ZNF148: variants seen among roughly 807,000 people sequenced by gnomAD.
ZNF148 encodes the protein zinc finger protein 148, also known as Beta-Enolase Repressor Factor-1.
In ZNF148, 7 loss-of-function variants were observed where a neutral mutation model predicts 67.7. The ratio of observed to expected loss-of-function variants is 0.10; its 90% CI spans 0.06 to 0.19. ZNF148 has a LOEUF of 0.19. Among genes scored for constraint, ZNF148 ranks in the 10% least tolerant of loss-of-function variants. The pLI is 1.00. For missense variants in ZNF148, 583 were observed against 947.1 expected, an observed-to-expected ratio of 0.62 and a Z score of 5.05; for synonymous variants, 333 against 330.7, an observed-to-expected ratio of 1.01 and a Z score of -0.08.
At chr3:125,251,933 T>A (rs1936857889) in intron 7 of ZNF148, among the ~76,000 whole-genome samples, 1 of 152,212 alleles carries the variant, frequency 6.6e-6, no homozygotes, top group African/African-American at 2.4e-5. Context: ...CTGTTCCACA[T>A]CCTTGTGAGT....
rs150404192 is a variant in ZNF148 at position 125,346,951 on chromosome 3, T to C, written c.-233-15713A>G. On this transcript the variant is annotated intron_variant, in intron 1 of 8. Transcript: ENST00000360647. ...TATTTCCAAATGACATGATCATATATATAGAAAACCCTATGGAATCCACTA... is the reference window on the plus strand; with the variant it reads ...TATTTCCAAATGACATGATCATATACATAGAAAACCCTATGGAATCCACTA... Among the ~76,000 whole-genome samples, 1,417 of 152,226 alleles carry C rather than the reference T, an allele frequency of 9.3e-3. 11 individuals carry two copies. The highest frequency in any genetic ancestry group is 0.02 in the Middle Eastern group (6 of 294).
chr3:125,244,519 CG>C (rs1161862238), intron 7 of ZNF148, among the ~76,000 whole-genome samples: 1 of 151,188 alleles, frequency 6.6e-6, no homozygotes, highest in African/African-American at 2.4e-5. Context: ...TTTTCTGAGA[CG>C]GAGTTTCGCT....
intron 7 of ZNF148, among the ~76,000 whole-genome samples, chr3:125,268,843 T>C (rs937130792): frequency 6.6e-6 from 1 of 151,504 alleles, no homozygotes; most frequent in Non-Finnish European, 1.5e-5. Flanking sequence ...AAAACAAAAA[T>C]TGACAAGTGG....
rs557126807 is a variant in ZNF148 at position 125,357,661 on chromosome 3, G to A, written c.-234+17441C>T. 6 of 152,510 alleles carry A rather than the reference G, an allele frequency of 3.9e-5. No homozygotes were observed. The East Asian group carries it at 1.2e-3, about 29-fold the overall frequency. The allele number at this position is 152,510 out of a possible 1,614,324, so 9.4% of individuals were successfully genotyped here. On this transcript the variant is annotated intron_variant, in intron 1 of 8. Coordinates refer to ENST00000360647, the MANE Select transcript of ZNF148 (RefSeq NM_021964.3). The stretch of plus-strand genomic sequence containing the variant: ...CGGGCCTGGGCTGCAAAAGCCCAGG[G>A]AATATGAGGGCTCCCTACTTCCAAG...
chr3:125,321,788 C>T (rs1445401046), intron 3 of ZNF148, among the ~76,000 whole-genome samples: 1 of 151,924 alleles, frequency 6.6e-6, no homozygotes, highest in African/African-American at 2.4e-5. Flanking sequence ...AATATTCAAA[C>T]TATAGTTTCT....
chr3:125,336,954 T>G (rs1941523388), intron 1 of ZNF148, among the ~76,000 whole-genome samples: 2 of 149,974 alleles, frequency 1.3e-5, no homozygotes, highest in Non-Finnish European at 3.0e-5. Context: ...GTATTACCAG[T>G]GTGAGCCACC....
chr3:125,371,722 T>C (rs1350637217), intron 1 of ZNF148, among the ~76,000 whole-genome samples: 1 of 149,570 alleles, frequency 6.7e-6, no homozygotes, highest in Non-Finnish European at 1.5e-5. Flanking sequence ...GTCATTTTAA[T>C]GCATTTCCAG....
At chr3:125,352,752 C>T (rs71325833) in intron 1 of ZNF148, among the ~76,000 whole-genome samples, 5,301 of 150,104 alleles carry the variant, frequency 0.035, 145 homozygotes, top group South Asian at 0.085. Flanking sequence ...TTTGTAGATA[C>T]AGATGTGATT....
intron 1 of ZNF148, among the ~76,000 whole-genome samples, chr3:125,373,316 C>T (rs1187561378): frequency 6.6e-6 from 1 of 151,488 alleles, no homozygotes; most frequent in African/African-American, 2.4e-5. Context: ...ATCTTAAACT[C>T]CTGACCTCAG....
intron 1 of ZNF148, among the ~76,000 whole-genome samples, chr3:125,341,776 C>T (rs774164702): frequency 6.6e-5 from 10 of 152,026 alleles, no homozygotes; most frequent in African/African-American, 9.7e-5. Flanking sequence ...AGGTGGATTA[C>T]GTGAGCTTAG....
chr3:125,296,095 A>G (rs1213953461), intron 4 of ZNF148, among the ~76,000 whole-genome samples: 1 of 150,992 alleles, frequency 6.6e-6, no homozygotes, highest in Non-Finnish European at 1.5e-5. Flanking sequence ...GCCTTTCAAT[A>G]TATCATCCCA....
chr3:125,231,583 AT>A lies in ZNF148; in HGVS notation c.*757del, dbSNP rs1377166189. 1 of 152,550 alleles carries A rather than the reference AT, an allele frequency of 6.6e-6. No homozygotes were observed. The highest frequency in any genetic ancestry group is 6.6e-5 in the Admixed American group (1 of 15,260). The allele number at this position is 152,550 out of a possible 1,614,324, so 9.4% of individuals were successfully genotyped here. A position where few individuals can be genotyped will look rare whatever the true frequency, so the allele number is the denominator to read the frequency against. ...ACCTGCACATGAAAAATCATAAAAA[AT>A]ATCTAAGTACAACTGTACAAAGAAA... On this transcript the variant is annotated 3_prime_UTR_variant, in exon 9 of 9. Coordinates refer to ENST00000360647, the MANE Select transcript of ZNF148 (RefSeq NM_021964.3).
intron 2 of ZNF148, among the ~76,000 whole-genome samples, chr3:125,329,884 T>G (rs1017314137): frequency 2.6e-5 from 4 of 152,170 alleles, no homozygotes; most frequent in Non-Finnish European, 5.9e-5. Flanking sequence ...TGTGATCTCA[T>G]TTGTGTAAAA....
intron 4 of ZNF148, among the ~76,000 whole-genome samples, chr3:125,307,054 CAAAA>C (rs55863917): frequency 2.1e-5 from 3 of 144,370 alleles, no homozygotes; most frequent in African/African-American, 7.6e-5. Flanking sequence ...ATAGCTATTC[CAAAA>C]AAAAAAAAAG....
rs146185056 is a variant in ZNF148, at chr3:125,301,982, T to C, written c.333+11326A>G. Among the ~76,000 whole-genome samples, 38 of 152,202 alleles carry C rather than the reference T, an allele frequency of 2.5e-4. No individual in the cohort carries two copies. In the East Asian group the frequency reaches 7.3e-3, roughly 29 times the overall value. On this transcript the variant is annotated intron_variant, in intron 4 of 8. Coordinates refer to ENST00000360647, the MANE Select transcript of ZNF148 (RefSeq NM_021964.3). ...GGGAGGCTGAGGCAGGGAGAAATGCTTGAACCCAGGAGGTGGAGGTTGCAC... is the reference window on the plus strand; with the variant it reads ...GGGAGGCTGAGGCAGGGAGAAATGCCTGAACCCAGGAGGTGGAGGTTGCAC...
intron 2 of ZNF148, among the ~76,000 whole-genome samples, chr3:125,329,411 GA>G (rs1941184477): frequency 6.8e-6 from 1 of 146,556 alleles, no homozygotes; most frequent in Non-Finnish European, 1.5e-5. Flanking sequence ...GCCCAGGCTG[GA>G]GTGCAGTGGT....
intron 1 of ZNF148, among the ~76,000 whole-genome samples, chr3:125,347,086 G>A (rs1347632376): frequency 6.6e-6 from 1 of 151,946 alleles, no homozygotes; most frequent in East Asian, 1.9e-4. Flanking sequence ...AAAATCATAA[G>A]CACTTATAAT....
chr3:125,306,199 C>T (rs1028202407), intron 4 of ZNF148, among the ~76,000 whole-genome samples: 1 of 151,880 alleles, frequency 6.6e-6, no homozygotes, highest in Admixed American at 6.6e-5. Flanking sequence ...ATGTTTAGGT[C>T]AAAAATGAAT....
intron 7 of ZNF148, among the ~76,000 whole-genome samples, chr3:125,248,148 A>G (rs1936684232): frequency 6.6e-6 from 1 of 152,208 alleles, no homozygotes; most frequent in Non-Finnish European, 1.5e-5. Context: ...GACGTATGTA[A>G]AATTAGTAAA....
Sources: allele counts gnomAD v4.1 joint callset (sites outside exome capture counted in the v4.1 genomes callset), GRCh38; gene constraint gnomAD v4.1.1; transcripts MANE v1.5; gene names NCBI Gene and HGNC (gene_info 2026-07-23, HGNC 2026-07-21).